Variants in NIPBL observed in about 807,000 individuals in gnomAD.
NIPBL encodes the protein nipped-B-like protein.
NIPBL carries 19 observed loss-of-function variants against 321.8 expected under a neutral mutation model. The observed-to-expected ratio is 0.06, with a 90% CI of 0.04 to 0.09. The LOEUF is 0.09. Among genes scored for constraint, NIPBL ranks in the 10% least tolerant of loss-of-function variants. The pLI is 1.00. For missense variants in NIPBL, 2,210 were observed against 3,327.0 expected, an observed-to-expected ratio of 0.66 and a Z score of 8.26; for synonymous variants, 1,106 against 1,114.1, an observed-to-expected ratio of 0.99 and a Z score of 0.14.
intron 1 of NIPBL, among the ~76,000 whole-genome samples, chr5:36,927,017 A>G (rs1216167991): frequency 6.6e-6 from 1 of 152,180 alleles, no homozygotes; most frequent in African/African-American, 2.4e-5. Context: ...TGAAAGGAGA[A>G]GTTGGTTTTG....
At chr5:37,022,436 T>G (rs773687475) in intron 29 of NIPBL, 46 bp downstream of exon 29, 1 of 1,536,480 alleles carries the variant, frequency 6.5e-7, no homozygotes, top group Non-Finnish European at 8.8e-7. Context: ...AATTTTGCCT[T>G]TCAAGCATCA....
At chr5:36,963,891 TATACTC>T (rs756451888) in intron 6 of NIPBL, among the ~76,000 whole-genome samples, 17 of 152,210 alleles carry the variant, frequency 1.1e-4, no homozygotes, top group Non-Finnish European at 2.2e-4. Context: ...AAAATACTAT[TATACTC>T]AAGTACACAA....
At chr5:36,877,666 C>T (rs1237316023) in intron 1 of NIPBL, among the ~76,000 whole-genome samples, 2 of 152,252 alleles carry the variant, frequency 1.3e-5, no homozygotes, top group African/African-American at 4.8e-5. Flanking sequence ...TCCCTTCTTC[C>T]CCCTGTGACC....
At chr5:36,969,227 A>G (rs1321563723) in intron 6 of NIPBL, among the ~76,000 whole-genome samples, 1 of 152,186 alleles carries the variant, frequency 6.6e-6, no homozygotes, top group East Asian at 1.9e-4. Flanking sequence ...TTATTATTAC[A>G]CCCGTATCTA....
chr5:37,035,191 A>G (rs1377878066), intron 32 of NIPBL, among the ~76,000 whole-genome samples: 1 of 152,250 alleles, frequency 6.6e-6, no homozygotes, highest in African/African-American at 2.4e-5. Context: ...TGGGAGGCTG[A>G]GCCTGGGAGG....
chr5:37,003,671 T>G (rs141589808), intron 16 of NIPBL, among the ~76,000 whole-genome samples: 2 of 150,138 alleles, frequency 1.3e-5, no homozygotes, highest in African/African-American at 5.0e-5. Flanking sequence ...GAGGGACTAA[T>G]GTGAATTTTT....
At chr5:37,041,494 A>G (rs1167277523) in intron 34 of NIPBL, among the ~76,000 whole-genome samples, 1 of 149,916 alleles carries the variant, frequency 6.7e-6, no homozygotes, top group African/African-American at 2.5e-5. Flanking sequence ...TGAACTCCAG[A>G]CCTTATTGAT....
intron 9 of NIPBL, among the ~76,000 whole-genome samples, chr5:36,983,683 A>G (rs1332843881): frequency 6.6e-6 from 1 of 151,996 alleles, no homozygotes; most frequent in African/African-American, 2.4e-5. Flanking sequence ...CATTCCCAAG[A>G]CCTAACTGGA....
chr5:36,967,742 G>C (rs1742366223), intron 6 of NIPBL, among the ~76,000 whole-genome samples: 1 of 152,072 alleles, frequency 6.6e-6, no homozygotes, highest in African/African-American at 2.4e-5. Context: ...GCACAGGCTA[G>C]ACTCAAACTC....
intron 24 of NIPBL, among the ~76,000 whole-genome samples, chr5:37,018,323 T>C (rs1749223237): frequency 6.6e-6 from 1 of 152,182 alleles, no homozygotes; most frequent in Admixed American, 6.5e-5. Context: ...TCTGATGTAA[T>C]ACAATACCTA....
At chr5:36,883,172 T>TA (rs574885779) in intron 1 of NIPBL, among the ~76,000 whole-genome samples, 1 of 151,878 alleles carries the variant, frequency 6.6e-6, no homozygotes, top group Admixed American at 6.6e-5. Flanking sequence ...TGTTAAGCAT[T>TA]AAAAAAATTC....
intron 42 of NIPBL, among the ~76,000 whole-genome samples, chr5:37,056,860 C>T (rs1754140339): frequency 6.6e-6 from 1 of 152,032 alleles, no homozygotes; most frequent in African/African-American, 2.4e-5. Context: ...AAAATTTCAC[C>T]TCTTCTCTTG....
chr5:37,043,063 T>C (rs1332870883), intron 34 of NIPBL, among the ~76,000 whole-genome samples: 1 of 152,008 alleles, frequency 6.6e-6, no homozygotes, highest in East Asian at 1.9e-4. Context: ...TGCTTATTAG[T>C]TTTTCTAATC....
intron 1 of NIPBL, among the ~76,000 whole-genome samples, chr5:36,942,336 G>A (rs1158924814): frequency 1.4e-5 from 2 of 147,598 alleles, no homozygotes; most frequent in African/African-American, 5.0e-5. Flanking sequence ...GGAGACTGAG[G>A]CACAAGAATG....
chr5:37,063,468 G>C (rs1287888588), intron 45 of NIPBL, among the ~76,000 whole-genome samples: 1 of 152,166 alleles, frequency 6.6e-6, no homozygotes, highest in Non-Finnish European at 1.5e-5. Flanking sequence ...GAAAACTCTG[G>C]CTGTTTTTGT....
At chr5:37,010,826 T>C (rs1184667401) in intron 21 of NIPBL, among the ~76,000 whole-genome samples, 2 of 152,220 alleles carry the variant, frequency 1.3e-5, no homozygotes, top group Non-Finnish European at 2.9e-5. Context: ...AGTGAGATAT[T>C]AAATGTGAAA....
In NIPBL at chr5:37,006,391, G is replaced by A; in HGVS notation, c.3890G>A (p.Arg1297Lys). The A allele has an allele frequency of 6.2e-7, 1 of 1,607,864 alleles. No homozygotes were observed. Residue 1297 changes from arginine to lysine, a missense_variant, in exon 17 of 47, where the codon AGA becomes AAA. Arg to Lys is a conservative substitution (Grantham distance 26). Around this residue, in one of 14 missense-constraint regions of NIPBL, gnomAD observed 381 missense variants for 642.3 expected, o/e 0.59. Coordinates refer to ENST00000282516, the MANE Select transcript of NIPBL (RefSeq NM_133433.4). ...ACTGAAGAAGAAGAAAGGTTATGGA[G>A]AGACCTTATTATGGAGAGAGTTACA... ...NDTEEEERLW[R>K]DLIMERVTKS...
rs375109639 is a variant in NIPBL, at chr5:36,989,033, A to G, written c.3121+2732A>G. Among the ~76,000 whole-genome samples, 7 of 152,320 alleles carry G rather than the reference A, an allele frequency of 4.6e-5. No individual in the cohort carries two copies. The East Asian group carries it at 9.6e-4, about 21-fold the overall frequency. On this transcript the variant is annotated intron_variant, in intron 10 of 46. Transcript: ENST00000282516. ...AAATACTTCATACATAATAAATCAT[A>G]TTTAATGCCTATTGAATGGAGATGA...
At position 37,036,430 on chromosome 5, in the gene NIPBL, A is replaced by T; in HGVS notation, c.5914A>T (p.Thr1972Ser). The change falls in exon 33 of 47, where the codon ACT becomes TCT. Residue 1972 changes from threonine (T) to serine (S), a missense_variant. By Grantham distance (58) the Thr-to-Ser change is moderately conservative (BLOSUM62 1). This residue lies in a region of NIPBL where 69 missense variants were observed against 100.8 expected (regional missense o/e 0.68). Coordinates refer to ENST00000282516, the MANE Select transcript of NIPBL (RefSeq NM_133433.4). ...ATATAAACCTGTGAAGAAAGCTTGT[A>T]CTCAACTTGTTGATAACCTAGTTGA... is the stretch of plus-strand genomic sequence containing the variant. ...SSYKPVKKAC[T>S]QLVDNLVEHI... 6.8e-7 allele frequency: 1 copy of T among 1,469,012 alleles called. No homozygotes were observed. 91.0% of individuals were successfully genotyped at this position (1,469,012 alleles called of 1,614,324 possible).
Sources: gnomAD v4.1 joint callset for allele counts (sites outside exome capture counted in the v4.1 genomes callset) on GRCh38, gnomAD v4.1.1 for gene constraint, gnomAD v4.1.1 regional missense constraint, MANE v1.5 for transcripts, NCBI Gene and HGNC (gene_info 2026-07-23, HGNC 2026-07-21) for gene names.